MYO1E: variants seen among roughly 807,000 people sequenced by gnomAD.
MYO1E encodes myosin IE.
In MYO1E, 68 loss-of-function variants were observed where a neutral mutation model predicts 151.1. The ratio of observed to expected loss-of-function variants is 0.45; its 90% CI spans 0.37 to 0.55. MYO1E has a LOEUF of 0.55. MYO1E is among the 20% of genes least tolerant of loss of function. The probability of loss-of-function intolerance (pLI) is 0.00; values close to 1 mark genes in which losing one functional copy is unlikely to be tolerated. For synonymous variants in MYO1E, 601 were observed against 501.7 expected (o/e 1.20, Z -2.64); for missense variants, 1,363 against 1,389.3 (o/e 0.98, Z 0.30).
intron 16 of MYO1E, among the ~76,000 whole-genome samples, chr15:59,196,028 C>T (rs2079764366): frequency 6.6e-6 from 1 of 152,164 alleles, no homozygotes; most frequent in South Asian, 2.1e-4. Context: ...ACTCTCTTTT[C>T]TGGCAATCCA....
At chr15:59,226,317 T>C (rs1338512834) in intron 7 of MYO1E, among the ~76,000 whole-genome samples, 2 of 152,192 alleles carry the variant, frequency 1.3e-5, no homozygotes, top group African/African-American at 2.4e-5. Context: ...CACAGTTTAA[T>C]GTCCTTCTAA....
At chr15:59,294,784 T>C (rs2080439613) in intron 1 of MYO1E, among the ~76,000 whole-genome samples, 1 of 152,146 alleles carries the variant, frequency 6.6e-6, no homozygotes, top group East Asian at 1.9e-4. Context: ...CCAGTGCTAT[T>C]TCCCACAATG....
At chr15:59,170,720 G>T (rs2079588298) in intron 22 of MYO1E, among the ~76,000 whole-genome samples, 2 of 152,142 alleles carry the variant, frequency 1.3e-5, no homozygotes, top group African/African-American at 4.8e-5. Flanking sequence ...TCACTGCACT[G>T]CACTGCCTGG....
chr15:59,173,741 C>G lies in MYO1E; in HGVS notation c.2334+5G>C. On this transcript the variant is annotated splice_donor_5th_base_variant and intron_variant, in intron 21 of 27. Transcript: ENST00000288235. ...TGATCTCAGAGGCAGGCAGTTAGCA[C>G]GTACCTTGAACCTCCTGTCATACTT... 1 of 1,614,032 alleles carries G rather than the reference C, an allele frequency of 6.2e-7. No homozygotes were observed.
chr15:59,224,466 A>C (rs1432661675), intron 8 of MYO1E, among the ~76,000 whole-genome samples: 1 of 152,160 alleles, frequency 6.6e-6, no homozygotes, highest in East Asian at 1.9e-4. Context: ...ATAATGATGA[A>C]TTCATTTCTT....
chr15:59,315,040 A>G (rs1309709463), intron 1 of MYO1E, among the ~76,000 whole-genome samples: 7 of 152,174 alleles, frequency 4.6e-5, no homozygotes, highest in African/African-American at 1.7e-4. Context: ...CGTATGGGCC[A>G]AATAAATACA....
rs187062413 is a variant in MYO1E, at chr15:59,263,977, A to C, written c.148-2468T>G. Among the ~76,000 whole-genome samples, 712 of 152,320 alleles carry C rather than the reference A, an allele frequency of 4.7e-3. 8 individuals carry two copies. Among genetic ancestry groups the C allele is most frequent in the African/African-American group, 0.016 (672 of 41,570 alleles). ...AGCCAAGACTCAATAAGGCGTCATA[A>C]AATTAATTAAACACATATACATTTA... On this transcript the variant is annotated intron_variant, in intron 2 of 27. Transcript: ENST00000288235.
chr15:59,343,775 G>A (rs1459368008), intron 1 of MYO1E, among the ~76,000 whole-genome samples: 4 of 151,820 alleles, frequency 2.6e-5, no homozygotes, highest in Non-Finnish European at 5.9e-5. Context: ...TCTTCTGCTT[G>A]ATCAGTTCTG....
intron 1 of MYO1E, among the ~76,000 whole-genome samples, chr15:59,356,781 C>G (rs773446745): frequency 9.2e-5 from 14 of 152,130 alleles, no homozygotes; most frequent in Non-Finnish European, 1.9e-4. Flanking sequence ...GTTGCCCAGA[C>G]TGGTCCTGAA....
intron 1 of MYO1E, among the ~76,000 whole-genome samples, chr15:59,306,670 G>A (rs547187536): frequency 6.6e-6 from 1 of 152,210 alleles, no homozygotes; most frequent in Non-Finnish European, 1.5e-5. Context: ...AAAGGACTTT[G>A]CTCATTGTTG....
intron 16 of MYO1E, among the ~76,000 whole-genome samples, chr15:59,199,400 T>C (rs2079787409): frequency 6.6e-6 from 1 of 152,164 alleles, no homozygotes; most frequent in South Asian, 2.1e-4. Context: ...TACTTTATAG[T>C]TGAGTACCCC....
intron 9 of MYO1E, 138 bp downstream of exon 9, chr15:59,222,921 G>A: frequency 7.4e-7 from 1 of 1,342,736 alleles, no homozygotes; most frequent in Non-Finnish European, 1.0e-6. Flanking sequence ...AAGCCATTCT[G>A]TTTGCCACAG....
At chr15:59,218,597 G>A (rs1048553607) in intron 9 of MYO1E, among the ~76,000 whole-genome samples, 2 of 152,142 alleles carry the variant, frequency 1.3e-5, no homozygotes, top group East Asian at 1.9e-4. Context: ...GCATGTGTAG[G>A]GTTACTAAAG....
At chr15:59,164,152 G>A (rs573983116) in intron 22 of MYO1E, among the ~76,000 whole-genome samples, 1 of 152,298 alleles carries the variant, frequency 6.6e-6, no homozygotes, top group East Asian at 1.9e-4. Context: ...CCATCTTCAA[G>A]CCTGGCTAGG....
At chr15:59,311,729 G>A (rs1483140045) in intron 1 of MYO1E, among the ~76,000 whole-genome samples, 1 of 152,180 alleles carries the variant, frequency 6.6e-6, no homozygotes, top group African/African-American at 2.4e-5. Flanking sequence ...ATGCGACAGT[G>A]CTGAAGGTAG....
intron 1 of MYO1E, among the ~76,000 whole-genome samples, chr15:59,286,908 T>C (rs116647086): frequency 0.014 from 2,058 of 152,162 alleles, 42 homozygotes; most frequent in African/African-American, 0.046. Flanking sequence ...AGCTGGTTGA[T>C]GGGTGGCAGA....
intron 18 of MYO1E, among the ~76,000 whole-genome samples, chr15:59,181,298 T>A (rs868379009): frequency 2.6e-5 from 4 of 152,160 alleles, no homozygotes; most frequent in Admixed American, 6.5e-5. Context: ...ACTTTGCAAA[T>A]CTGTTATGTT....
chr15:59,361,931 G>A (rs755230771), intron 1 of MYO1E, among the ~76,000 whole-genome samples: 3 of 151,982 alleles, frequency 2.0e-5, no homozygotes, highest in Non-Finnish European at 4.4e-5. Flanking sequence ...CCTCCTCCTG[G>A]GTTCAAACGA....
chr15:59,289,131 G>A (rs980394631), intron 1 of MYO1E, among the ~76,000 whole-genome samples: 1 of 152,164 alleles, frequency 6.6e-6, no homozygotes, highest in Non-Finnish European at 1.5e-5. Flanking sequence ...GGCCATCCTG[G>A]ACTGGAACCA....
Sources: gnomAD v4.1 joint callset for allele counts (sites outside exome capture counted in the v4.1 genomes callset) on GRCh38, gnomAD v4.1.1 for gene constraint, MANE v1.5 for transcripts, NCBI Gene and HGNC (gene_info 2026-07-23, HGNC 2026-07-21) for gene names.